ABI3BP: variants seen among roughly 807,000 people sequenced by gnomAD.
ABI3BP encodes ABI family member 3 binding protein, also known as target of Nesh-SH3.
Under a neutral mutation model 268.6 loss-of-function variants are expected in ABI3BP, and 216 were observed. The observed-to-expected ratio is 0.80, with a 90% CI of 0.72 to 0.90. ABI3BP has a LOEUF of 0.90. ABI3BP is among the 40% of genes least tolerant of loss of function. The probability of loss-of-function intolerance (pLI) is 0.00; values close to 1 mark genes in which losing one functional copy is unlikely to be tolerated. For synonymous variants in ABI3BP, 730 were observed against 730.0 expected (o/e 1.00, Z 0.00); for missense variants, 2,090 against 2,182.4 (o/e 0.96, Z 0.84).
intron 23 of ABI3BP, 87 bp from the exon 24 acceptor site, chr3:100,839,703 C>T (rs113915012): frequency 0.044 from 58,258 of 1,335,886 alleles, 1,560 homozygotes; most frequent in Non-Finnish European, 0.051. Flanking sequence ...TGGGACACTA[C>T]CTAAATGATG....
intron 52 of ABI3BP, among the ~76,000 whole-genome samples, chr3:100,796,085 C>A (rs2097337609): frequency 6.6e-6 from 1 of 151,820 alleles, no homozygotes; most frequent in Admixed American, 6.6e-5. Flanking sequence ...TAGGCACCCA[C>A]TTTTTTTTAC....
At chr3:100,959,571 T>G (rs1360586188) in intron 1 of ABI3BP, among the ~76,000 whole-genome samples, 2 of 149,888 alleles carry the variant, frequency 1.3e-5, no homozygotes, top group Non-Finnish European at 3.0e-5. Flanking sequence ...ATCAATTGGC[T>G]AATAATCATT....
chr3:100,927,935 GT>G (rs1299310442), intron 1 of ABI3BP, among the ~76,000 whole-genome samples: 1 of 148,536 alleles, frequency 6.7e-6, no homozygotes, highest in African/African-American at 2.5e-5. Flanking sequence ...AAACTTTGTA[GT>G]TTTTTTGTGT....
chr3:100,795,956 G>T, intron 52 of ABI3BP, 105 bp from the exon 53 acceptor site: 1 of 770,038 alleles, frequency 1.3e-6, no homozygotes, highest in Non-Finnish European at 1.7e-6. Flanking sequence ...TAATTTAAAT[G>T]TTCTCTAAGA....
chr3:100,762,105 TA>T (rs2095997768), intron 63 of ABI3BP, among the ~76,000 whole-genome samples: 1 of 152,194 alleles, frequency 6.6e-6, no homozygotes, highest in African/African-American at 2.4e-5. Context: ...TTATTATTAT[TA>T]TTTTTTTACA....
intron 54 of ABI3BP, 27 bp downstream of exon 54, chr3:100,794,894 CTT>C (rs2097299828): frequency 6.6e-7 from 1 of 1,510,344 alleles, no homozygotes; most frequent in Non-Finnish European, 9.0e-7. Context: ...GGCAAGCTCT[CTT>C]TGAACAAATA....
chr3:100,893,290 C>T (rs759196683), intron 4 of ABI3BP, among the ~76,000 whole-genome samples: 85 of 152,154 alleles, frequency 5.6e-4, no homozygotes, highest in Non-Finnish European at 9.9e-4. Context: ...GGTTTTGGGA[C>T]GCGGACTGGC....
intron 4 of ABI3BP, among the ~76,000 whole-genome samples, chr3:100,887,642 T>A (rs947737758): frequency 6.6e-6 from 1 of 152,124 alleles, no homozygotes; most frequent in Non-Finnish European, 1.5e-5. Flanking sequence ...CTTTTTTATA[T>A]CTTAACATTT....
chr3:100,772,093 T>C (rs962021701), intron 61 of ABI3BP, among the ~76,000 whole-genome samples: 1 of 152,206 alleles, frequency 6.6e-6, no homozygotes, highest in Non-Finnish European at 1.5e-5. Flanking sequence ...GTGAGAGGCA[T>C]TGAAACAGCA....
At chr3:100,935,601 T>C (rs2065717954) in intron 1 of ABI3BP, among the ~76,000 whole-genome samples, 1 of 151,532 alleles carries the variant, frequency 6.6e-6, no homozygotes, top group African/African-American at 2.4e-5. Context: ...TGATTCTTCC[T>C]ATCCATGAGC....
Position 100,838,395 on chromosome 3 carries a change from T to A in ABI3BP, c.2008+7A>T, listed in dbSNP as rs1267676640. 1 of 1,535,154 alleles carries A rather than the reference T, an allele frequency of 6.5e-7. No individual in the cohort carries two copies. Among genetic ancestry groups the A allele is most frequent in the African/African-American group, 1.4e-5 (1 of 73,010 alleles). On this transcript the variant is annotated splice_region_variant and intron_variant, in intron 25 of 67. Transcript: ENST00000471714. Reference sequence around the variant, plus strand: ...TTATAGATCAAGGCATTGAAAGTAATGATTACCAGGCTGAATTTGAGGTGC... The same window carrying A: ...TTATAGATCAAGGCATTGAAAGTAAAGATTACCAGGCTGAATTTGAGGTGC...
chr3:100,936,493 A>G (rs2066194180), intron 1 of ABI3BP, among the ~76,000 whole-genome samples: 4 of 152,132 alleles, frequency 2.6e-5, no homozygotes, highest in Admixed American at 2.6e-4. Flanking sequence ...GGCCTCATAA[A>G]ATGAGTTAGG....
intron 62 of ABI3BP, among the ~76,000 whole-genome samples, chr3:100,769,896 A>G (rs1319470534): frequency 6.6e-6 from 1 of 152,214 alleles, no homozygotes; most frequent in African/African-American, 2.4e-5. Flanking sequence ...CCCAGATCCA[A>G]TGGTTCTGTC....
chr3:100,819,270 G>A (rs2098136660), intron 40 of ABI3BP, among the ~76,000 whole-genome samples: 1 of 152,172 alleles, frequency 6.6e-6, no homozygotes, highest in Non-Finnish European at 1.5e-5. Context: ...TGTGCCCTCT[G>A]ACTTGCCTCT....
chr3:100,852,373 T>C lies in ABI3BP; in HGVS notation c.1286-433A>G, dbSNP rs1406559568. Among the ~76,000 whole-genome samples the C allele has an allele frequency of 7.9e-5, 12 of 152,226 alleles. 1 individual carries two copies. Among genetic ancestry groups the C allele is most frequent in the Admixed American group, 7.9e-4 (12 of 15,286 alleles). On this transcript the variant is annotated intron_variant, in intron 14 of 67. Coordinates refer to ENST00000471714, the MANE Select transcript of ABI3BP (RefSeq NM_001375547.2). ...GCTCAGTCTTTCTGCTTAGTAAAAG[T>C]TACTGTTACAATATCTTATGTATGG...
chr3:100,803,580 G>C (rs1322382872), intron 51 of ABI3BP, among the ~76,000 whole-genome samples: 1 of 115,544 alleles, frequency 8.7e-6, no homozygotes, highest in African/African-American at 2.6e-5. Context: ...TATTAAAAGA[G>C]GAAAAAACTT....
intron 14 of ABI3BP, among the ~76,000 whole-genome samples, chr3:100,857,614 A>G (rs2098953913): frequency 6.6e-6 from 1 of 152,184 alleles, no homozygotes; most frequent in Admixed American, 6.5e-5. Context: ...ATAACATTTA[A>G]TTTCCTCAGT....
At chr3:100,908,654 A>G (rs559847554) in intron 2 of ABI3BP, among the ~76,000 whole-genome samples, 2 of 152,294 alleles carry the variant, frequency 1.3e-5, no homozygotes, top group African/African-American at 4.8e-5. Flanking sequence ...ACTCCCATTC[A>G]CAATTGCTAC....
At chr3:100,772,831 C>G (rs2096588160) in intron 61 of ABI3BP, among the ~76,000 whole-genome samples, 1 of 152,076 alleles carries the variant, frequency 6.6e-6, no homozygotes, top group East Asian at 1.9e-4. Flanking sequence ...ATAATCCCAG[C>G]ACTTTGGGAG....
Sources: gnomAD v4.1 joint callset for allele counts (sites outside exome capture counted in the v4.1 genomes callset) on GRCh38, gnomAD v4.1.1 for gene constraint, MANE v1.5 for transcripts, NCBI Gene and HGNC (gene_info 2026-07-23, HGNC 2026-07-21) for gene names.